The following AXIN1 variants were observed in gnomAD, a reference collection of about 807,000 sequenced individuals.
The protein encoded by AXIN1 is axin-1.
In AXIN1, 30 loss-of-function variants were observed where a neutral mutation model predicts 76.4. That is an observed-to-expected ratio of 0.39 (90% CI 0.29 to 0.53). The LOEUF (loss-of-function observed/expected upper bound fraction) is 0.53. Ranked by LOEUF, AXIN1 falls within the 20% of genes least tolerant of loss-of-function variation. The pLI is 0.66. For synonymous variants in AXIN1, 545 were observed against 501.4 expected (o/e 1.09, Z -1.16); for missense variants, 1,140 against 1,198.8 (o/e 0.95, Z 0.72).
chr16:342,097 C>T (rs987683211), intron 2 of AXIN1, among the ~76,000 whole-genome samples: 1 of 152,198 alleles, frequency 6.6e-6, no homozygotes, highest in South Asian at 2.1e-4. Flanking sequence ...GGGTCCCCTT[C>T]CATAGTGTGG....
At position 287,732 on chromosome 16, in the gene AXIN1, A is replaced by G; in HGVS notation, c.*390T>C. The G allele has an allele frequency of 2.5e-6, 1 of 398,902 alleles. No individual in the cohort carries two copies. Among genetic ancestry groups the G allele is most frequent in the East Asian group, 4.3e-5 (1 of 23,120 alleles). The allele number at this position is 398,902 out of a possible 1,614,324, so 24.7% of individuals were successfully genotyped here. A position where few individuals can be genotyped will look rare whatever the true frequency, so the allele number is the denominator to read the frequency against. On this transcript the variant is annotated 3_prime_UTR_variant, in exon 11 of 11. Coordinates refer to ENST00000262320, the MANE Select transcript of AXIN1 (RefSeq NM_003502.4). ...TGACAGAGGCCCTGCAGGCCTCTGC[A>G]TCCGGGCCTGGGCCCCACCCAGACC...
chr16:313,428 C>G (rs2053227511), intron 3 of AXIN1, among the ~76,000 whole-genome samples: 1 of 152,250 alleles, frequency 6.6e-6, no homozygotes, highest in Non-Finnish European at 1.5e-5. Context: ...ATCCAGATCT[C>G]CAGGCTTTCC....
chr16:339,382 G>A (rs943575878), intron 2 of AXIN1, among the ~76,000 whole-genome samples: 6 of 148,598 alleles, frequency 4.0e-5, no homozygotes, highest in African/African-American at 7.5e-5. Flanking sequence ...GTGGTGACAC[G>A]CGCCTGTAGT....
At chr16:304,198 G>A in intron 5 of AXIN1, 106 bp downstream of exon 5, 1 of 1,579,846 alleles carries the variant, frequency 6.3e-7, no homozygotes, top group Non-Finnish European at 8.6e-7. Context: ...GGGTCAGCAG[G>A]CCTCGGCCAG....
chr16:293,458 G>T lies in AXIN1; in HGVS notation c.2186+30C>A, dbSNP rs2141484347. On this transcript the variant is annotated intron_variant, in intron 8 of 10. Transcript: ENST00000262320. This position sits in a 1 kb window ranked among gnomAD's most constrained non-coding sequence, Gnocchi z 4.6. ...GGAGTGGTGCTGTGGTAACCCCCAA[G>T]ACCCACCCCACCCCACGACGCGGCC... 8 of 1,579,220 alleles carry T rather than the reference G, an allele frequency of 5.1e-6. No homozygotes were observed. Among genetic ancestry groups the T allele is most frequent in the Non-Finnish European group, 6.9e-6 (8 of 1,155,758 alleles).
intron 1 of AXIN1, 57 bp from the exon 2 acceptor site, chr16:347,163 C>A: frequency 2.0e-6 from 3 of 1,486,684 alleles, no homozygotes; most frequent in Admixed American, 1.8e-5. Context: ...GAAACACGAC[C>A]AGAGGTTTTC....
chr16:303,819 C>T (rs970474425), intron 5 of AXIN1, among the ~76,000 whole-genome samples: 1 of 152,192 alleles, frequency 6.6e-6, no homozygotes, highest in South Asian at 2.1e-4. Context: ...AACACAAGTG[C>T]CTAGAGGGCC....
In AXIN1 at chr16:297,071, C is replaced by T. The variant is rs751506537; in HGVS notation, c.1940G>A (p.Arg647His). ...GGGTGCTCACCCGTGGCCGGTCCTG[C>T]GGTGCCTGCTGATCTCCTTTTCCCC... ...IEGEKEISRH[R>H]RTGHGSSGTR... Residue 647 changes from arginine to histidine, a missense_variant, in exon 7 of 11, where the codon CGC becomes CAC. Arg to His is a conservative substitution (Grantham distance 29). Around this residue, in one of 3 missense-constraint regions of AXIN1, gnomAD observed 429 missense variants for 405.8 expected, o/e 1.06. Coordinates refer to ENST00000262320, the MANE Select transcript of AXIN1 (RefSeq NM_003502.4). 1.4e-5 allele frequency: 22 copies of T among 1,611,598 alleles called. No homozygotes were observed. The highest frequency in any genetic ancestry group is 2.2e-5 in the East Asian group (1 of 44,868).
intron 2 of AXIN1, among the ~76,000 whole-genome samples, chr16:326,783 A>G (rs1425155712): frequency 6.6e-6 from 1 of 151,776 alleles, no homozygotes; most frequent in Non-Finnish European, 1.5e-5. Flanking sequence ...TCAGCTATGA[A>G]AATCTCTATT....
intron 9 of AXIN1, 80 bp downstream of exon 9, chr16:291,110 G>T: frequency 7.3e-7 from 1 of 1,361,160 alleles, no homozygotes; most frequent in South Asian, 1.2e-5. Flanking sequence ...GCCCCGGGAC[G>T]GCGGCTCTAC....
chr16:292,507 G>A (rs1421135204), intron 8 of AXIN1: 2 of 152,178 alleles, frequency 1.3e-5, no homozygotes, highest in Admixed American at 6.5e-5. Flanking sequence ...AGCCTCCCTG[G>A]AGTGGCACAG....
intron 4 of AXIN1, among the ~76,000 whole-genome samples, chr16:305,289 T>C (rs1178171934): frequency 6.6e-6 from 1 of 152,154 alleles, no homozygotes; most frequent in Non-Finnish European, 1.5e-5. Flanking sequence ...GCCAACAAAG[T>C]GAGACCTCAT....
At chr16:343,473 G>A (rs938416432) in intron 2 of AXIN1, among the ~76,000 whole-genome samples, 4 of 150,692 alleles carry the variant, frequency 2.7e-5, no homozygotes, top group African/African-American at 7.3e-5. Flanking sequence ...AGGCTGAGGC[G>A]GGCAGATCTC....
At chr16:317,894 G>C (rs1340449538) in intron 2 of AXIN1, among the ~76,000 whole-genome samples, 1 of 152,194 alleles carries the variant, frequency 6.6e-6, no homozygotes, top group Non-Finnish European at 1.5e-5. Flanking sequence ...CTGAACTTTG[G>C]TAACTTTCTA....
Position 346,233 on chromosome 16 carries a change from C to G in AXIN1, c.793G>C (p.Gly265Arg), listed in dbSNP as rs145696080. 20 of 1,613,812 alleles carry G rather than the reference C, an allele frequency of 1.2e-5. No individual in the cohort carries two copies. Residue 265 changes from glycine (G) to arginine (R), a missense_variant, in exon 2 of 11, where the codon GGA becomes CGA. Coordinates refer to ENST00000262320, the MANE Select transcript of AXIN1 (RefSeq NM_003502.4). The part of the protein sequence containing the change: ...EDDGRDAAPP[G>R]RLPQKLLLET... Reference sequence around the variant, plus strand: ...AGGAGCAGCTTCTGAGGGAGTCTTCCGGGGGGAGCAGCGTCTCTGCCATCG... The same window carrying G: ...AGGAGCAGCTTCTGAGGGAGTCTTCGGGGGGGAGCAGCGTCTCTGCCATCG...
rs1328880379 is a variant in AXIN1, at chr16:333,627, T to C, written c.878+12521A>G. Among the ~76,000 whole-genome samples, 4 of 151,984 alleles carry C rather than the reference T, an allele frequency of 2.6e-5. No homozygotes were observed. The East Asian group carries it at 7.7e-4, about 29-fold the overall frequency. On this transcript the variant is annotated intron_variant, in intron 2 of 10. Transcript: ENST00000262320. ...CACCATCCACACCGTATGAAGAGAATGGAGCCAGGTCTTTCCAGGGCAGCT... is the reference window on the plus strand; with the variant it reads ...CACCATCCACACCGTATGAAGAGAACGGAGCCAGGTCTTTCCAGGGCAGCT...
At chr16:340,626 C>T (rs1486073319) in intron 2 of AXIN1, among the ~76,000 whole-genome samples, 1 of 152,250 alleles carries the variant, frequency 6.6e-6, no homozygotes, top group Non-Finnish European at 1.5e-5. Flanking sequence ...ACGAGGTGAA[C>T]CAGCCAGCTC....
Position 304,295 on chromosome 16 carries a change from C to T in AXIN1, c.1254+9G>A, listed in dbSNP as rs774914948. 6 of 1,610,102 alleles carry T rather than the reference C, an allele frequency of 3.7e-6. No homozygotes were observed. Among genetic ancestry groups the T allele is most frequent in the Non-Finnish European group, 5.1e-6 (6 of 1,179,094 alleles). On this transcript the variant is annotated intron_variant, in intron 5 of 10. Coordinates refer to ENST00000262320, the MANE Select transcript of AXIN1 (RefSeq NM_003502.4). ...GACGCGGAGCGCGACACCGACGCGG[C>T]CCACTCACCATGCGCACGCGCTTCA...
chr16:289,318 A>G (rs774044090), intron 10 of AXIN1, 122 bp downstream of exon 10: 253 of 1,313,922 alleles, frequency 1.9e-4, no homozygotes, highest in Non-Finnish European at 2.6e-4. Flanking sequence ...CGCCCACCTC[A>G]GCCTCCCAAA....
Sources: gnomAD v4.1 joint callset for allele counts (sites outside exome capture counted in the v4.1 genomes callset) on GRCh38, gnomAD v4.1.1 for gene constraint, gnomAD v4.1.1 regional missense constraint, Gnocchi (gnomAD v3.1) non-coding constraint, MANE v1.5 for transcripts, NCBI Gene and HGNC (gene_info 2026-07-23, HGNC 2026-07-21) for gene names.